FNIP1: variants seen among roughly 807,000 people sequenced by gnomAD.
FNIP1 encodes folliculin-interacting protein 1.
In FNIP1, 40 loss-of-function variants were observed where a neutral mutation model predicts 124.5. That is an observed-to-expected ratio of 0.32 (90% CI 0.25 to 0.42). The LOEUF (loss-of-function observed/expected upper bound fraction) is 0.42, where lower values mean the gene tolerates loss of function less well. Among genes scored for constraint, FNIP1 ranks in the 10% least tolerant of loss-of-function variants. The pLI is 1.00. For synonymous variants in FNIP1, 472 were observed against 470.6 expected, an observed-to-expected ratio of 1.00 and a Z score of -0.04; for missense variants, 1,176 against 1,403.7, an observed-to-expected ratio of 0.84 and a Z score of 2.59.
In FNIP1 at chr5:131,695,644, GA is replaced by G. The variant is rs572892628; in HGVS notation, c.1202+3272del. ...CCGAAGTATAAACTAATAATCTTCC[GA>G]GGCCTGGCAGGAATAAAATTATACA... is the stretch of plus-strand genomic sequence containing the variant. On this transcript the variant is annotated intron_variant, in intron 11 of 17. Coordinates refer to ENST00000510461, the MANE Select transcript of FNIP1 (RefSeq NM_133372.3). Among the ~76,000 whole-genome samples the G allele has an allele frequency of 1.1e-4, 16 of 152,186 alleles. No homozygotes were observed. The East Asian group carries it at 3.1e-3, about 29-fold the overall frequency.
rs556704047 is a variant in FNIP1 at position 131,643,601 on chromosome 5, G to A, written c.*1084C>T. 6.6e-6 allele frequency: 1 copy of A among 152,584 alleles called. No individual in the cohort carries two copies. Among genetic ancestry groups the A allele is most frequent in the Non-Finnish European group, 1.5e-5 (1 of 68,008 alleles). The allele number at this position is 152,584 out of a possible 1,614,324, so 9.5% of individuals were successfully genotyped here. A position where few individuals can be genotyped will look rare whatever the true frequency, so the allele number is the denominator to read the frequency against. ...TGTACAAAGGCAACAATTGAGAAGT[G>A]AAAATCTTTGAAAAAAATACACTTT... On this transcript the variant is annotated 3_prime_UTR_variant, in exon 18 of 18. Transcript: ENST00000510461.
Position 131,651,969 on chromosome 5 carries a change from C to T in FNIP1, c.3139G>A (p.Ala1047Thr). The T allele has an allele frequency of 6.2e-7, 1 of 1,613,830 alleles. No individual in the cohort carries two copies. Among genetic ancestry groups the T allele is most frequent in the Non-Finnish European group, 8.5e-7 (1 of 1,179,952 alleles). The change falls in exon 16 of 18, where the codon GCT becomes ACT. Residue 1047 changes from alanine to threonine, a missense_variant. Ala to Thr is a moderately conservative substitution (Grantham distance 58). Transcript: ENST00000510461. ...TCCATGTCAGCTATAATACAGACAG[C>T]TTCTGCTATTGGTTCATCCAAAACT... ...HPVLDEPIAE[A>T]VCIIADMDKW... is the part of the protein sequence containing the mutation.
At chr5:131,740,827 G>T (rs1770488401) in intron 2 of FNIP1, among the ~76,000 whole-genome samples, 1 of 152,102 alleles carries the variant, frequency 6.6e-6, no homozygotes, top group Non-Finnish European at 1.5e-5. Context: ...AAACCTTGAT[G>T]ATGAAAAAGC....
At chr5:131,736,515 A>C (rs1445747179) in intron 2 of FNIP1, among the ~76,000 whole-genome samples, 1 of 152,210 alleles carries the variant, frequency 6.6e-6, no homozygotes, top group Non-Finnish European at 1.5e-5. Flanking sequence ...GTACCAGTCC[A>C]TGGCCTGTTA....
At chr5:131,751,737 A>G (rs1443643177) in intron 1 of FNIP1, among the ~76,000 whole-genome samples, 1 of 152,226 alleles carries the variant, frequency 6.6e-6, no homozygotes, top group Non-Finnish European at 1.5e-5. Context: ...CATTAGGTTA[A>G]GGAAAAAAAG....
At chr5:131,661,625 T>C (rs1767439562) in intron 15 of FNIP1, among the ~76,000 whole-genome samples, 1 of 152,176 alleles carries the variant, frequency 6.6e-6, no homozygotes, top group African/African-American at 2.4e-5. Context: ...CCACACAGCC[T>C]ATTGGGTGAC....
intron 3 of FNIP1, among the ~76,000 whole-genome samples, chr5:131,720,170 G>A (rs1561672841): frequency 1.3e-5 from 2 of 152,140 alleles, no homozygotes; most frequent in African/African-American, 4.8e-5. Flanking sequence ...CAATGGAACA[G>A]AACAAACAGC....
chr5:131,738,227 G>A (rs888417991), intron 2 of FNIP1, among the ~76,000 whole-genome samples: 1 of 152,058 alleles, frequency 6.6e-6, no homozygotes, highest in African/African-American at 2.4e-5. Flanking sequence ...ATAAACGTAT[G>A]ATTTTATTAA....
Position 131,672,428 on chromosome 5 carries a change from A to C in FNIP1, c.2016T>G (p.Thr672=). Residue 672 remains threonine (T), a synonymous_variant, in exon 14 of 18, where the codon ACT becomes ACG. Transcript: ENST00000510461. Reference sequence around the variant, plus strand: ...CTGTCTCTAACTTGGCGTCAAAGCAAGTTCTTAATTTATCTCTGTACTGTT... The same window carrying C: ...CTGTCTCTAACTTGGCGTCAAAGCACGTTCTTAATTTATCTCTGTACTGTT... ...DVKQYRDKLR[T]CFDAKLETVV... The C allele has an allele frequency of 6.2e-7, 1 of 1,613,884 alleles. No individual in the cohort carries two copies. Among genetic ancestry groups the C allele is most frequent in the Middle Eastern group, 1.6e-4 (1 of 6,062 alleles).
intron 11 of FNIP1, among the ~76,000 whole-genome samples, chr5:131,694,982 G>A (rs1272402162): frequency 6.6e-6 from 1 of 151,978 alleles, no homozygotes; most frequent in African/African-American, 2.4e-5. Context: ...GTGCACGCCT[G>A]TAAACCCAGC....
At chr5:131,782,625 A>C (rs1276612471) in intron 1 of FNIP1, among the ~76,000 whole-genome samples, 2 of 152,142 alleles carry the variant, frequency 1.3e-5, no homozygotes, top group Non-Finnish European at 2.9e-5. Context: ...GGAGGGAGGC[A>C]AAGAGGGAGG....
rs189933335 is a variant in FNIP1 at position 131,743,605 on chromosome 5, C to T, written c.219+959G>A. Among the ~76,000 whole-genome samples the T allele has an allele frequency of 2.5e-4, 38 of 152,224 alleles. 1 individual carries two copies. The East Asian group carries it at 7.2e-3, about 29-fold the overall frequency. On this transcript the variant is annotated intron_variant, in intron 2 of 17. Transcript: ENST00000510461. ...TCTCTCCTCAAAATTTATATGTCGT[C>T]CTAACCCACCATGCGATATTAGGAG...
intron 1 of FNIP1, among the ~76,000 whole-genome samples, chr5:131,765,713 T>A (rs930303737): frequency 2.6e-5 from 4 of 152,240 alleles, no homozygotes; most frequent in Middle Eastern, 3.2e-3. Flanking sequence ...CTAAAGCACA[T>A]AACAGGTGAT....
At chr5:131,661,716 G>T (rs891652803) in intron 15 of FNIP1, among the ~76,000 whole-genome samples, 1 of 152,142 alleles carries the variant, frequency 6.6e-6, no homozygotes, top group Non-Finnish European at 1.5e-5. Context: ...ATGGTGCGGT[G>T]AGCAACATCG....
chr5:131,782,995 T>A (rs1424319190), intron 1 of FNIP1, among the ~76,000 whole-genome samples: 1 of 152,198 alleles, frequency 6.6e-6, no homozygotes, highest in African/African-American at 2.4e-5. Context: ...TAAAGTTAGG[T>A]ACACATTGTT....
In FNIP1 at chr5:131,779,516, TA is replaced by T. The variant is rs201631709; in HGVS notation, c.92+17313del. Among the ~76,000 whole-genome samples the T allele has an allele frequency of 6.3e-3, 901 of 142,416 alleles. 2 individuals are homozygous for T. The highest frequency in any genetic ancestry group is 0.041 in the East Asian group (202 of 4,932). The allele number at this position is 142,416 out of a possible 152,430, so 93.4% of individuals were successfully genotyped here. A position where few individuals can be genotyped will look rare whatever the true frequency, so the allele number is the denominator to read the frequency against. ...AACATGGTGAAACCCCACTTCTAGT[TA>T]AAAAAAAAAAAAATACAAAAATTAG... On this transcript the variant is annotated intron_variant, in intron 1 of 17. Coordinates refer to ENST00000510461, the MANE Select transcript of FNIP1 (RefSeq NM_133372.3).
intron 15 of FNIP1, among the ~76,000 whole-genome samples, chr5:131,656,891 T>C (rs2149507212): frequency 6.6e-6 from 1 of 152,098 alleles, no homozygotes; most frequent in Middle Eastern, 3.4e-3. Flanking sequence ...ACTACCCTTA[T>C]ATAAAGAGCT....
At chr5:131,758,618 G>C (rs1771126148) in intron 1 of FNIP1, among the ~76,000 whole-genome samples, 1 of 152,144 alleles carries the variant, frequency 6.6e-6, no homozygotes, top group African/African-American at 2.4e-5. Context: ...TGAACCACAA[G>C]CTATTTTAAG....
intron 2 of FNIP1, among the ~76,000 whole-genome samples, chr5:131,731,325 A>G (rs1350179440): frequency 6.6e-6 from 1 of 152,134 alleles, no homozygotes; most frequent in African/African-American, 2.4e-5. Context: ...CGATGTAATA[A>G]TATATTGCAG....
Sources: allele counts gnomAD v4.1 joint callset (sites outside exome capture counted in the v4.1 genomes callset), GRCh38; gene constraint gnomAD v4.1.1; transcripts MANE v1.5; gene names NCBI Gene and HGNC (gene_info 2026-07-23, HGNC 2026-07-21).